Variants in SORCS2 observed in about 807,000 individuals in gnomAD.
SORCS2 encodes the protein sortilin related VPS10 domain containing receptor 2.
SORCS2 carries 100 observed loss-of-function variants against 141.6 expected under a neutral mutation model. The observed-to-expected ratio is 0.71, with a 90% CI of 0.60 to 0.83. The LOEUF (loss-of-function observed/expected upper bound fraction) is 0.83, where lower values mean the gene tolerates loss of function less well. SORCS2 is among the 40% of genes least tolerant of loss of function. The pLI, the probability that SORCS2 is intolerant of heterozygous loss-of-function variation, is 0.00. For missense variants in SORCS2, 1,646 were observed against 1,560.2 expected (o/e 1.05, Z -0.93); for synonymous variants, 789 against 676.9 (o/e 1.17, Z -2.57).
At chr4:7,590,506 C>CG (rs1413033475) in intron 3 of SORCS2, among the ~76,000 whole-genome samples, 1 of 152,188 alleles carries the variant, frequency 6.6e-6, no homozygotes, top group Non-Finnish European at 1.5e-5. Context: ...CTTCTCCCCT[C>CG]GGGAGCCGGG....
intron 12 of SORCS2, among the ~76,000 whole-genome samples, chr4:7,700,426 G>A (rs1233641606): frequency 2.0e-5 from 3 of 152,108 alleles, no homozygotes; most frequent in Non-Finnish European, 4.4e-5. Flanking sequence ...ATCTGTAGGG[G>A]CCAGGCCTGC....
chr4:7,301,106 G>A (rs1018213881), intron 1 of SORCS2, among the ~76,000 whole-genome samples: 7 of 152,064 alleles, frequency 4.6e-5, no homozygotes, highest in Non-Finnish European at 5.9e-5. Context: ...CAGCCCTGGC[G>A]GGACTGTGTC....
intron 5 of SORCS2, 64 bp from the exon 6 acceptor site, chr4:7,661,436 G>A (rs1023897029): frequency 3.0e-5 from 46 of 1,521,086 alleles, no homozygotes; most frequent in South Asian, 4.8e-5. Context: ...GGAGTGTGGG[G>A]AGCAGCTGGG....
At chr4:7,620,928 G>A (rs1560432108) in intron 3 of SORCS2, among the ~76,000 whole-genome samples, 2 of 152,102 alleles carry the variant, frequency 1.3e-5, no homozygotes, top group Admixed American at 6.5e-5. Context: ...CCAGGCCCCC[G>A]AGTGCCCCCC....
At chr4:7,519,417 G>A (rs2109497820) in intron 2 of SORCS2, among the ~76,000 whole-genome samples, 1 of 152,300 alleles carries the variant, frequency 6.6e-6, no homozygotes, top group South Asian at 2.1e-4. Context: ...GTCAAATAGA[G>A]TCTCGTTTCA....
chr4:7,737,130 A>G lies in SORCS2; in HGVS notation c.3373A>G (p.Ser1125Gly). 6.4e-7 allele frequency: 1 copy of G among 1,551,416 alleles called. No individual in the cohort carries two copies. The highest frequency in any genetic ancestry group is 8.7e-7 in the Non-Finnish European group (1 of 1,146,930). The change falls in exon 26 of 27, where the codon AGC becomes GGC. Residue 1125 changes from serine (S) to glycine (G), a missense_variant. Transcript: ENST00000507866. ...MHNEKEQEMT[S>G]PVSHSEDVQG... ...CAACGAGAAGGAGCAGGAGATGACC[A>G]GCCCTGTGAGTCACAGTGAGGACGT...
At chr4:7,490,279 G>A (rs940337969) in intron 2 of SORCS2, among the ~76,000 whole-genome samples, 2 of 152,156 alleles carry the variant, frequency 1.3e-5, no homozygotes, top group Non-Finnish European at 2.9e-5. Flanking sequence ...CTCGGCCTGG[G>A]GGGAGCTCAA....
intron 2 of SORCS2, among the ~76,000 whole-genome samples, chr4:7,499,765 C>T (rs893866180): frequency 1.3e-5 from 2 of 152,164 alleles, no homozygotes; most frequent in Non-Finnish European, 2.9e-5. Flanking sequence ...GAGAGAAACC[C>T]CACAAGTCAT....
intron 2 of SORCS2, among the ~76,000 whole-genome samples, chr4:7,524,668 C>T (rs985326854): frequency 6.6e-6 from 1 of 151,424 alleles, no homozygotes; most frequent in Non-Finnish European, 1.5e-5. Context: ...CGCCCTTGTT[C>T]TTTCCCCAGG....
At chr4:7,361,599 ACT>A (rs1053516640) in intron 1 of SORCS2, among the ~76,000 whole-genome samples, 1 of 151,922 alleles carries the variant, frequency 6.6e-6, no homozygotes, top group Non-Finnish European at 1.5e-5. Flanking sequence ...GGTGAATAAC[ACT>A]CTGTTATAAT....
intron 2 of SORCS2, among the ~76,000 whole-genome samples, chr4:7,429,586 C>T (rs1477551169): frequency 5.3e-5 from 8 of 152,216 alleles, no homozygotes; most frequent in Admixed American, 2.6e-4. Flanking sequence ...CATGGAAGGA[C>T]TTGCCTAGAA....
At chr4:7,484,886 C>T (rs908651544) in intron 2 of SORCS2, among the ~76,000 whole-genome samples, 2 of 151,778 alleles carry the variant, frequency 1.3e-5, no homozygotes, top group African/African-American at 4.8e-5. Flanking sequence ...GCATCCAGCC[C>T]ACCTCCTCCA....
Position 7,676,205 on chromosome 4 carries a change from G to A in SORCS2, c.1317G>A (p.Glu439=). ...TGCGCAGCTCACGGCAGGCGGAGGA[G>A]AGCGTGCTCATCGACATCCTGGAGG... ...QDVRSSRQAE[E]SVLIDILEVR... Residue 439 remains glutamate, a synonymous_variant, in exon 9 of 27, where the codon GAG becomes GAA. Transcript: ENST00000507866. The A allele has an allele frequency of 6.4e-6, 10 of 1,551,902 alleles. No homozygotes were observed. The highest frequency in any genetic ancestry group is 8.7e-6 in the Non-Finnish European group (10 of 1,147,358).
chr4:7,630,750 G>T (rs1182857351), intron 3 of SORCS2, among the ~76,000 whole-genome samples: 2 of 152,192 alleles, frequency 1.3e-5, no homozygotes, highest in Non-Finnish European at 2.9e-5. Flanking sequence ...GGGGGTGGAG[G>T]CTGCAGTGTT....
At chr4:7,559,884 C>A (rs73214661) in intron 3 of SORCS2, among the ~76,000 whole-genome samples, 11,313 of 152,326 alleles carry the variant, frequency 0.074, 456 homozygotes, top group Non-Finnish European at 0.082. Flanking sequence ...GAGGCATGAC[C>A]TGCATTCATA....
chr4:7,566,808 G>A (rs2109695980), intron 3 of SORCS2, among the ~76,000 whole-genome samples: 1 of 152,048 alleles, frequency 6.6e-6, no homozygotes, highest in Non-Finnish European at 1.5e-5. Flanking sequence ...TCTGGTGAAT[G>A]CTTACAACTG....
chr4:7,659,050 T>C (rs1721982040), intron 5 of SORCS2, among the ~76,000 whole-genome samples: 1 of 152,198 alleles, frequency 6.6e-6, no homozygotes, highest in African/African-American at 2.4e-5. Context: ...AACAGTCATA[T>C]TAGTTGGAAT....
chr4:7,570,532 C>A (rs541564322), intron 3 of SORCS2, among the ~76,000 whole-genome samples: 2 of 152,218 alleles, frequency 1.3e-5, no homozygotes, highest in African/African-American at 2.4e-5. Context: ...AAAGGGAAGC[C>A]AATCTGCTCC....
intron 3 of SORCS2, among the ~76,000 whole-genome samples, chr4:7,590,019 G>A (rs1716809377): frequency 6.6e-6 from 1 of 152,276 alleles, no homozygotes; most frequent in South Asian, 2.1e-4. Flanking sequence ...AGGGCTGGAG[G>A]ATGCATTTAT....
Sources: allele counts gnomAD v4.1 joint callset (sites outside exome capture counted in the v4.1 genomes callset), GRCh38; gene constraint gnomAD v4.1.1; transcripts MANE v1.5; gene names NCBI Gene and HGNC (gene_info 2026-07-23, HGNC 2026-07-21).